BTAF1: variants seen among roughly 807,000 people sequenced by gnomAD.
The protein encoded by BTAF1 is B-TFIID TATA-box binding protein associated factor 1.
Under a neutral mutation model 227.1 loss-of-function variants are expected in BTAF1, and 38 were observed. The ratio of observed to expected loss-of-function variants is 0.17; its 90% CI spans 0.13 to 0.22. BTAF1 has a LOEUF of 0.22. BTAF1 is among the 10% of genes least tolerant of loss of function. The probability of loss-of-function intolerance (pLI) is 1.00; values close to 1 mark genes in which losing one functional copy is unlikely to be tolerated. For synonymous variants in BTAF1, 742 were observed against 751.9 expected, an observed-to-expected ratio of 0.99 and a Z score of 0.21; for missense variants, 1,598 against 2,204.0, an observed-to-expected ratio of 0.73 and a Z score of 5.51.
chr10:91,994,530 A>C lies in BTAF1; in HGVS notation c.3200-5A>C. ...CCAGATAATACAGACAATATATTTT[A>C]ACAGATGGAAAATCCCTCCTGGATA... On this transcript the variant is annotated splice_region_variant and splice_polypyrimidine_tract_variant and intron_variant, in intron 22 of 37. Coordinates refer to ENST00000265990, the MANE Select transcript of BTAF1 (RefSeq NM_003972.3). The C allele has an allele frequency of 6.3e-7, 1 of 1,596,836 alleles. No individual in the cohort carries two copies.
rs140986048 is a variant in BTAF1 at position 91,963,514 on chromosome 10, C to T, written c.1405-563C>T. Among the ~76,000 whole-genome samples the T allele has an allele frequency of 2.0e-5, 3 of 152,256 alleles. No individual in the cohort carries two copies. The East Asian group carries it at 5.8e-4, about 30-fold the overall frequency. ...AACTCCTAAGCTCAAGAGATCTTCC[C>T]AGTCTTGGCCTTCCAGAGTGCTGGG... On this transcript the variant is annotated intron_variant, in intron 12 of 37. Coordinates refer to ENST00000265990, the MANE Select transcript of BTAF1 (RefSeq NM_003972.3).
intron 19 of BTAF1, among the ~76,000 whole-genome samples, chr10:91,987,839 C>T (rs1208663752): frequency 3.3e-5 from 5 of 152,166 alleles, no homozygotes; most frequent in African/African-American, 1.2e-4. Flanking sequence ...CACTTATTCA[C>T]TTCTGCTCAT....
At chr10:91,996,673 C>T (rs893591802) in intron 24 of BTAF1, 103 bp downstream of exon 24, 57 of 1,083,532 alleles carry the variant, frequency 5.3e-5, no homozygotes, top group Non-Finnish European at 6.8e-5. Flanking sequence ...AAATAACCTG[C>T]CTTGTTCCAA....
In BTAF1 at chr10:91,938,946, A is replaced by G. The variant is rs148006546; in HGVS notation, c.139-1006A>G. 7.4e-4 allele frequency among the ~76,000 whole-genome samples: 107 copies of G among 144,216 alleles called. No individual in the cohort carries two copies. The East Asian group carries it at 0.02, about 27-fold the overall frequency. The allele number at this position is 144,216 out of a possible 152,430, so 94.6% of individuals were successfully genotyped here. ...TTCTGAGTCCCTTGCATTTGCATAT[A>G]CATTTTAGGATCAGCTTTTCCATTT... is the stretch of plus-strand genomic sequence containing the variant. On this transcript the variant is annotated intron_variant, in intron 2 of 37. Transcript: ENST00000265990.
At chr10:91,928,037 G>T (rs1359244693) in intron 1 of BTAF1, among the ~76,000 whole-genome samples, 14 of 95,266 alleles carry the variant, frequency 1.5e-4, no homozygotes, top group South Asian at 3.3e-4. Context: ...TTTTAATATT[G>T]GCCATTTTCT....
chr10:91,968,349 A>T (rs1449470186), intron 14 of BTAF1, among the ~76,000 whole-genome samples: 1 of 152,192 alleles, frequency 6.6e-6, no homozygotes, highest in African/African-American at 2.4e-5. Flanking sequence ...ATATGAAATT[A>T]AGGTTTCTCC....
chr10:91,960,277 T>G, intron 11 of BTAF1, 123 bp downstream of exon 11: 1 of 1,084,596 alleles, frequency 9.2e-7, no homozygotes, highest in Non-Finnish European at 1.3e-6. Context: ...CTTCCAAGAT[T>G]TGCCGTCTTG....
At chr10:92,015,109 C>G (rs1185475380) in intron 32 of BTAF1, among the ~76,000 whole-genome samples, 1 of 152,162 alleles carries the variant, frequency 6.6e-6, no homozygotes, top group African/African-American at 2.4e-5. Context: ...AGTATTATTT[C>G]ATTACCTAAA....
intron 11 of BTAF1, among the ~76,000 whole-genome samples, 175 bp from the exon 12 acceptor site, chr10:91,962,363 G>A (rs544937545): frequency 3.9e-5 from 6 of 152,276 alleles, no homozygotes; most frequent in Admixed American, 3.3e-4. Flanking sequence ...ACTCTATAAT[G>A]TTCACAGAAT....
intron 25 of BTAF1, among the ~76,000 whole-genome samples, chr10:92,003,535 A>G (rs1306140144): frequency 6.6e-6 from 1 of 152,168 alleles, no homozygotes; most frequent in Non-Finnish European, 1.5e-5. Context: ...TTCCTTTAGC[A>G]TAATGTCATC....
At chr10:92,020,949 C>T (rs1257138004) in intron 34 of BTAF1, among the ~76,000 whole-genome samples, 1 of 152,008 alleles carries the variant, frequency 6.6e-6, no homozygotes, top group African/African-American at 2.4e-5. Flanking sequence ...TGACACATCT[C>T]GAATTAAGAT....
intron 33 of BTAF1, among the ~76,000 whole-genome samples, chr10:92,017,401 T>C (rs1363713275): frequency 6.6e-6 from 1 of 152,244 alleles, no homozygotes; most frequent in African/African-American, 2.4e-5. Flanking sequence ...TCACTTTATC[T>C]TTCCCTCTTG....
At chr10:91,933,446 C>A (rs7072906) in intron 1 of BTAF1, among the ~76,000 whole-genome samples, 2 of 151,898 alleles carry the variant, frequency 1.3e-5, no homozygotes, top group Non-Finnish European at 2.9e-5. Flanking sequence ...GAGAGTTGAG[C>A]AGTCAAGGAT....
At chr10:91,950,828 A>G (rs1034345224) in intron 4 of BTAF1, among the ~76,000 whole-genome samples, 1 of 124,474 alleles carries the variant, frequency 8.0e-6, no homozygotes, top group Non-Finnish European at 1.6e-5. Flanking sequence ...TTCCATAGAG[A>G]TGTATTTTTT....
intron 32 of BTAF1, among the ~76,000 whole-genome samples, chr10:92,015,813 C>T (rs1850679020): frequency 6.6e-6 from 1 of 152,110 alleles, no homozygotes; most frequent in South Asian, 2.1e-4. Flanking sequence ...ATTATTTTAG[C>T]TTGTACAAGA....
chr10:92,017,679 T>C (rs1018274279), intron 33 of BTAF1, among the ~76,000 whole-genome samples: 10 of 152,060 alleles, frequency 6.6e-5, no homozygotes, highest in African/African-American at 2.4e-4. Context: ...CTGGCTAATT[T>C]TTAAAAATTT....
At chr10:91,932,738 G>A (rs1480041885) in intron 1 of BTAF1, among the ~76,000 whole-genome samples, 1 of 152,240 alleles carries the variant, frequency 6.6e-6, no homozygotes, top group Non-Finnish European at 1.5e-5. Context: ...AGTTTGAAAT[G>A]GTTTCAAGAA....
At chr10:91,942,835 G>A (rs1418935056) in intron 4 of BTAF1, among the ~76,000 whole-genome samples, 1 of 152,048 alleles carries the variant, frequency 6.6e-6, no homozygotes, top group Non-Finnish European at 1.5e-5. Flanking sequence ...ATTTTATTAT[G>A]TAGTATGGAA....
intron 21 of BTAF1, 31 bp downstream of exon 21, chr10:91,992,340 T>C: frequency 6.6e-7 from 1 of 1,506,370 alleles, no homozygotes; most frequent in Non-Finnish European, 8.9e-7. Context: ...TTTAATGCTT[T>C]GATTTTTAAA....
Sources: gnomAD v4.1 joint callset for allele counts (sites outside exome capture counted in the v4.1 genomes callset) on GRCh38, gnomAD v4.1.1 for gene constraint, MANE v1.5 for transcripts, NCBI Gene and HGNC (gene_info 2026-07-23, HGNC 2026-07-21) for gene names.